SOX5: variants seen among roughly 807,000 people sequenced by gnomAD.
The protein encoded by SOX5 is transcription factor SOX-5.
SOX5 carries 9 observed loss-of-function variants against 92.0 expected under a neutral mutation model. The observed-to-expected ratio is 0.10, with a 90% CI of 0.06 to 0.17. The LOEUF (loss-of-function observed/expected upper bound fraction) is 0.17, where lower values mean the gene tolerates loss of function less well. Ranked by LOEUF, SOX5 falls within the 10% of genes least tolerant of loss-of-function variation. SOX5 has a pLI of 1.00. For missense variants in SOX5, 642 were observed against 944.5 expected (o/e 0.68, Z 4.20); for synonymous variants, 344 against 336.3 (o/e 1.02, Z -0.25).
chr12:24,286,528 G>A (rs1186111843), intron 2 of SOX5, among the ~76,000 whole-genome samples: 12 of 151,868 alleles, frequency 7.9e-5, no homozygotes, highest in Admixed American at 2.0e-4. Context: ...GAAAGAACAA[G>A]AGTTTTTTAA....
At chr12:23,544,497 C>T (rs1329960596) in intron 12 of SOX5, among the ~76,000 whole-genome samples, 2 of 152,144 alleles carry the variant, frequency 1.3e-5, no homozygotes, top group Non-Finnish European at 2.9e-5. Context: ...ATTCATTCCT[C>T]ATCTTTTCTT....
intron 4 of SOX5, among the ~76,000 whole-genome samples, chr12:24,128,494 G>C (rs895901575): frequency 1.3e-5 from 2 of 152,102 alleles, no homozygotes; most frequent in African/African-American, 2.4e-5. Context: ...AATTTAGATA[G>C]GGTAGCAAAA....
chr12:24,064,179 C>T (rs956377192), intron 4 of SOX5, among the ~76,000 whole-genome samples: 2 of 152,186 alleles, frequency 1.3e-5, no homozygotes, highest in Non-Finnish European at 2.9e-5. Context: ...CTTAGCGGCT[C>T]TTCTAAGCTC....
At chr12:24,391,382 A>T (rs2136488628) in intron 1 of SOX5, among the ~76,000 whole-genome samples, 1 of 152,334 alleles carries the variant, frequency 6.6e-6, no homozygotes, top group South Asian at 2.1e-4. Context: ...TAAAATGGGT[A>T]AAAGTACATG....
chr12:24,383,488 TAAAC>T (rs1958040424), intron 1 of SOX5, among the ~76,000 whole-genome samples: 1 of 152,180 alleles, frequency 6.6e-6, no homozygotes, highest in African/African-American at 2.4e-5. Context: ...ATTCCAGAAA[TAAAC>T]AATTCATAAG....
chr12:24,002,676 A>G (rs1353531498), intron 4 of SOX5, among the ~76,000 whole-genome samples: 1 of 151,154 alleles, frequency 6.6e-6, no homozygotes, highest in African/African-American at 2.4e-5. Flanking sequence ...AATACTTTAT[A>G]GGGAGTATGT....
rs1423581852 is a variant in SOX5 at position 23,563,217 on chromosome 12, A to G, written c.1488+41T>C. On this transcript the variant is annotated intron_variant, in intron 11 of 14. Transcript: ENST00000451604. ...TTTTTAAAAAAGCATTAGGCAATTT[A>G]ATTAAGTATTTCTAGAAAGTAAGTT... The G allele has an allele frequency of 7.4e-6, 11 of 1,489,500 alleles. No homozygotes were observed. The South Asian group carries it at 8.4e-5, about 11-fold the overall frequency. The allele number at this position is 1,489,500 out of a possible 1,614,324, so 92.3% of individuals were successfully genotyped here. A position where few individuals can be genotyped will look rare whatever the true frequency, so the allele number is the denominator to read the frequency against.
chr12:24,004,536 T>C (rs980902705), intron 4 of SOX5, among the ~76,000 whole-genome samples: 2 of 152,036 alleles, frequency 1.3e-5, no homozygotes, highest in South Asian at 2.1e-4. Context: ...CATTACTCTT[T>C]AGGGAAATGC....
At chr12:24,202,324 C>T (rs1957601186) in intron 4 of SOX5, among the ~76,000 whole-genome samples, 1 of 152,148 alleles carries the variant, frequency 6.6e-6, no homozygotes, top group African/African-American at 2.4e-5. Flanking sequence ...TTAAGGCACA[C>T]AATTTTTATC....
chr12:24,322,183 T>C (rs191811559), intron 2 of SOX5, among the ~76,000 whole-genome samples: 9 of 152,276 alleles, frequency 5.9e-5, no homozygotes, highest in Non-Finnish European at 8.8e-5. Flanking sequence ...ATTTTAGGAA[T>C]CTCATTCATG....
rs574216836 is a variant in SOX5, at chr12:24,142,155, C to T, written c.-2+71188G>A. Among the ~76,000 whole-genome samples, 11 of 152,228 alleles carry T rather than the reference C, an allele frequency of 7.2e-5. No individual in the cohort carries two copies. The East Asian group carries it at 1.7e-3, about 24-fold the overall frequency. ...CAACAGAGGTAGGTTTCCCCAGAAACAGAAACATCAAATCCACAACCAGGT... is the reference window on the plus strand; with the variant it reads ...CAACAGAGGTAGGTTTCCCCAGAAATAGAAACATCAAATCCACAACCAGGT... On this transcript the variant is annotated intron_variant, in intron 4 of 4. Transcript: ENST00000446891.
At chr12:24,392,861 G>A (rs1428959447) in intron 1 of SOX5, among the ~76,000 whole-genome samples, 1 of 152,044 alleles carries the variant, frequency 6.6e-6, no homozygotes, top group Non-Finnish European at 1.5e-5. Flanking sequence ...ATTTCTCCCT[G>A]TGGACACAGG....
chr12:24,057,794 A>G (rs927713586), intron 4 of SOX5, among the ~76,000 whole-genome samples: 2 of 152,206 alleles, frequency 1.3e-5, no homozygotes, highest in Non-Finnish European at 2.9e-5. Context: ...GCATGTCAAT[A>G]GTTCATTTGT....
chr12:23,597,753 G>A (rs1952709429), intron 9 of SOX5, among the ~76,000 whole-genome samples: 1 of 152,126 alleles, frequency 6.6e-6, no homozygotes, highest in Non-Finnish European at 1.5e-5. Context: ...TAACAAAATA[G>A]TTATTTCACA....
intron 4 of SOX5, among the ~76,000 whole-genome samples, chr12:24,048,332 G>A (rs1006224377): frequency 1.3e-5 from 2 of 152,106 alleles, no homozygotes; most frequent in African/African-American, 4.8e-5. Flanking sequence ...TTCTGGAGTA[G>A]GAATTAAAAT....
At chr12:23,661,438 C>G (rs868512265) in intron 7 of SOX5, among the ~76,000 whole-genome samples, 1 of 152,172 alleles carries the variant, frequency 6.6e-6, no homozygotes. Flanking sequence ...GTGTTTTTGA[C>G]TAACCTTATA....
chr12:24,534,046 A>G (rs529180269), intron 1 of SOX5, among the ~76,000 whole-genome samples: 2 of 152,320 alleles, frequency 1.3e-5, no homozygotes, highest in South Asian at 4.1e-4. Flanking sequence ...ATAAAAAAAG[A>G]TACTGTGAAA....
intron 4 of SOX5, among the ~76,000 whole-genome samples, chr12:23,959,423 A>G (rs1467441902): frequency 6.6e-6 from 1 of 152,064 alleles, no homozygotes; most frequent in African/African-American, 2.4e-5. Flanking sequence ...ATATGCTCAA[A>G]TATCTAAACA....
rs573191751 is a variant in SOX5 at position 24,514,022 on chromosome 12, A to G, written c.-251+48307T>C. 1.9e-3 allele frequency among the ~76,000 whole-genome samples: 284 copies of G among 152,324 alleles called. 1 individual carries two copies. The highest frequency in any genetic ancestry group is 6.5e-3 in the African/African-American group (270 of 41,578). The stretch of plus-strand genomic sequence containing the variant: ...GAGAGCAGCACAAAGCCAGTCTACT[A>G]TCTCTTCTACAGGACAGTCCTTCAA... On this transcript the variant is annotated intron_variant, in intron 1 of 4. Transcript: ENST00000446891.
Sources: allele counts gnomAD v4.1 joint callset (sites outside exome capture counted in the v4.1 genomes callset), GRCh38; gene constraint gnomAD v4.1.1; transcripts MANE v1.5; gene names NCBI Gene and HGNC (gene_info 2026-07-23, HGNC 2026-07-21).